The following NCKAP5 variants were observed in gnomAD, a reference collection of about 807,000 sequenced individuals.
NCKAP5 encodes the protein nck-associated protein 5.
Under a neutral mutation model 167.0 loss-of-function variants are expected in NCKAP5, and 92 were observed. That is an observed-to-expected ratio of 0.55 (90% CI 0.47 to 0.66). NCKAP5 has a LOEUF of 0.66. Among genes scored for constraint, NCKAP5 ranks in the 30% least tolerant of loss-of-function variants. The pLI is 0.00. For synonymous variants in NCKAP5, 891 were observed against 877.4 expected, an observed-to-expected ratio of 1.02 and a Z score of -0.27; for missense variants, 2,378 against 2,315.0, an observed-to-expected ratio of 1.03 and a Z score of -0.56.
At chr2:133,107,367 G>C (rs2081743429) in intron 6 of NCKAP5, among the ~76,000 whole-genome samples, 2 of 152,200 alleles carry the variant, frequency 1.3e-5, no homozygotes, top group African/African-American at 4.8e-5. Context: ...CTGTAAAGTT[G>C]TAAGACTTAG....
chr2:133,014,601 A>AG (rs2149372138), intron 6 of NCKAP5, among the ~76,000 whole-genome samples: 1 of 152,372 alleles, frequency 6.6e-6, no homozygotes, highest in African/African-American at 2.4e-5. Context: ...TTTGAACACC[A>AG]GGAAAAACAT....
At chr2:133,672,740 A>G in the NCKAP5 span, among the ~76,000 whole-genome samples, 1 of 152,342 alleles carries the variant, frequency 6.6e-6, no homozygotes, top group Non-Finnish European at 1.5e-5. Context: ...ATTTACAAAA[A>G]AACACATGGT....
In NCKAP5 at chr2:133,376,039, A is replaced by C. The variant is rs542640721; in HGVS notation, c.70-72929T>G. On this transcript the variant is annotated intron_variant, in intron 3 of 19. Transcript: ENST00000409261. Reference sequence around the variant, plus strand: ...CAAATGCCTGGCTAGGTGTACAGGAAACAAAAGTGTGGTGGCATCACCAAG... The same window carrying C: ...CAAATGCCTGGCTAGGTGTACAGGACACAAAAGTGTGGTGGCATCACCAAG... 8.5e-5 allele frequency among the ~76,000 whole-genome samples: 13 copies of C among 152,336 alleles called. 1 individual carries two copies. In the South Asian group the frequency reaches 2.7e-3, roughly 32 times the overall value.
intron 5 of NCKAP5, among the ~76,000 whole-genome samples, chr2:133,177,455 C>T (rs1355820984): frequency 1.3e-5 from 2 of 152,028 alleles, no homozygotes; most frequent in Non-Finnish European, 2.9e-5. Flanking sequence ...TGTGCAACCC[C>T]GCACAGCTTC....
intron 5 of NCKAP5, among the ~76,000 whole-genome samples, chr2:133,177,536 A>G (rs2084523680): frequency 1.3e-5 from 2 of 152,084 alleles, no homozygotes; most frequent in South Asian, 4.1e-4. Flanking sequence ...ATGTTAAATA[A>G]CCCTTATCCC....
intron 5 of NCKAP5, among the ~76,000 whole-genome samples, chr2:133,189,521 T>C (rs925320488): frequency 6.6e-6 from 1 of 152,120 alleles, no homozygotes; most frequent in East Asian, 1.9e-4. Context: ...TGAACATCGA[T>C]TCAAAAATCC....
intron 6 of NCKAP5, among the ~76,000 whole-genome samples, chr2:133,092,076 G>A (rs2081203589): frequency 6.6e-6 from 1 of 152,110 alleles, no homozygotes. Flanking sequence ...ATCAGTTCAT[G>A]GCCACCACAG....
chr2:133,153,935 G>T (rs1381494584), intron 5 of NCKAP5, among the ~76,000 whole-genome samples: 3 of 148,612 alleles, frequency 2.0e-5, no homozygotes, highest in African/African-American at 7.5e-5. Context: ...CCCCAAGAAG[G>T]GTTCAAGTGA....
chr2:132,904,539 G>A (rs1693869907), intron 8 of NCKAP5, among the ~76,000 whole-genome samples: 1 of 152,032 alleles, frequency 6.6e-6, no homozygotes, highest in African/African-American at 2.4e-5. Flanking sequence ...TACAACTACT[G>A]GATGAAAGCC....
At chr2:133,673,102 G>A in the NCKAP5 span, among the ~76,000 whole-genome samples, 1 of 152,138 alleles carries the variant, frequency 6.6e-6, no homozygotes, top group Non-Finnish European at 1.5e-5. Flanking sequence ...TTAACCTGAT[G>A]AGCCACTCAG....
chr2:133,664,814 G>A, the NCKAP5 span, among the ~76,000 whole-genome samples: 1 of 152,132 alleles, frequency 6.6e-6, no homozygotes, highest in South Asian at 2.1e-4. Flanking sequence ...CTGTTATTTT[G>A]TATTGCCACC....
At chr2:132,963,530 C>A (rs934961687) in intron 8 of NCKAP5, among the ~76,000 whole-genome samples, 190 bp downstream of exon 8, 2 of 152,126 alleles carry the variant, frequency 1.3e-5, no homozygotes, top group Admixed American at 6.6e-5. Context: ...TTTAAAACAA[C>A]ATTAGGTCAA....
chr2:133,161,752 C>T (rs1394242441), intron 5 of NCKAP5, among the ~76,000 whole-genome samples: 2 of 152,170 alleles, frequency 1.3e-5, no homozygotes, highest in Admixed American at 6.5e-5. Context: ...CTGAGATTCA[C>T]GTTTCAAAGT....
At chr2:132,741,015 G>A (rs927618319) in intron 16 of NCKAP5, among the ~76,000 whole-genome samples, 7 of 152,056 alleles carry the variant, frequency 4.6e-5, no homozygotes, top group African/African-American at 1.7e-4. Flanking sequence ...GTAGGATGTA[G>A]TTTAAGGATA....
chr2:132,774,654 G>A (rs1405353355), intron 15 of NCKAP5, among the ~76,000 whole-genome samples: 1 of 152,132 alleles, frequency 6.6e-6, no homozygotes, highest in Non-Finnish European at 1.5e-5. Flanking sequence ...GCAGTAAGTG[G>A]CAACACTGGC....
At chr2:133,300,579 C>T (rs2150560188) in intron 4 of NCKAP5, among the ~76,000 whole-genome samples, 1 of 138,392 alleles carries the variant, frequency 7.2e-6, no homozygotes, top group Admixed American at 7.1e-5. Flanking sequence ...AATTCAACAA[C>T]CCTTCATGCT....
At chr2:133,066,074 T>A (rs926845281) in intron 6 of NCKAP5, among the ~76,000 whole-genome samples, 1 of 152,212 alleles carries the variant, frequency 6.6e-6, no homozygotes, top group Non-Finnish European at 1.5e-5. Flanking sequence ...CATGTATGTA[T>A]GTATTTCCCT....
At chr2:133,279,665 G>A (rs909398381) in intron 4 of NCKAP5, among the ~76,000 whole-genome samples, 4 of 152,182 alleles carry the variant, frequency 2.6e-5, no homozygotes, top group Non-Finnish European at 5.9e-5. Flanking sequence ...CAGCAACTTA[G>A]AATAAGATTC....
intron 6 of NCKAP5, among the ~76,000 whole-genome samples, chr2:133,058,934 A>G (rs1214242771): frequency 6.6e-6 from 1 of 152,222 alleles, no homozygotes; most frequent in Non-Finnish European, 1.5e-5. Context: ...ACCTTGCTCA[A>G]GTTTCAGCAA....
Sources: allele counts gnomAD v4.1 joint callset (sites outside exome capture counted in the v4.1 genomes callset), GRCh38; gene constraint gnomAD v4.1.1; transcripts MANE v1.5; gene names NCBI Gene and HGNC (gene_info 2026-07-23, HGNC 2026-07-21).